Variants in PPP3CC observed in about 807,000 individuals in gnomAD.
The protein encoded by PPP3CC is serine/threonine-protein phosphatase 2B catalytic subunit gamma isoform.
Under a neutral mutation model 60.3 loss-of-function variants are expected in PPP3CC, and 35 were observed. The ratio of observed to expected loss-of-function variants is 0.58; its 90% CI spans 0.44 to 0.77. PPP3CC has a LOEUF of 0.77. Among genes scored for constraint, PPP3CC ranks in the 30% least tolerant of loss-of-function variants. The probability of loss-of-function intolerance (pLI) is 0.00; values close to 1 mark genes in which losing one functional copy is unlikely to be tolerated. For missense variants in PPP3CC, 570 were observed against 628.9 expected, an observed-to-expected ratio of 0.91 and a Z score of 1.00; for synonymous variants, 206 against 224.3, an observed-to-expected ratio of 0.92 and a Z score of 0.73.
At position 22,492,015 on chromosome 8, in the gene PPP3CC, C is replaced by T. The variant is rs140770255; in HGVS notation, c.373-5986C>T. On this transcript the variant is annotated intron_variant, in intron 3 of 13. Transcript: ENST00000240139. ...CATGCATCGTTTAATAAGGAGGGTA[C>T]GTTCTGAGAAATGGGTGCCGATTTT... Among the ~76,000 whole-genome samples, 8 of 152,124 alleles carry T rather than the reference C, an allele frequency of 5.3e-5. No individual in the cohort carries two copies. In the East Asian group the frequency reaches 1.2e-3, roughly 22 times the overall value.
chr8:22,527,580 A>C, intron 9 of PPP3CC, 63 bp downstream of exon 9: 2 of 1,540,138 alleles, frequency 1.3e-6, no homozygotes, highest in Non-Finnish European at 1.8e-6. Context: ...TTATATTTGC[A>C]TGAGCCCCTC....
chr8:22,525,530 CTT>C (rs952996071), intron 8 of PPP3CC, among the ~76,000 whole-genome samples: 2 of 89,392 alleles, frequency 2.2e-5, no homozygotes, highest in African/African-American at 9.3e-5. Flanking sequence ...TTCTTTCTTT[CTT>C]TCTTTCTCTC....
chr8:22,507,173 A>G (rs1391437981), intron 4 of PPP3CC, among the ~76,000 whole-genome samples: 2 of 152,200 alleles, frequency 1.3e-5, no homozygotes, highest in East Asian at 1.9e-4. Flanking sequence ...CAAATATATC[A>G]TCAGTGACTA....
At chr8:22,457,132 C>T (rs1265986170) in intron 1 of PPP3CC, among the ~76,000 whole-genome samples, 2 of 146,802 alleles carry the variant, frequency 1.4e-5, no homozygotes, top group Admixed American at 6.9e-5. Context: ...TCTCAATATT[C>T]TGTAATATTG....
chr8:22,530,035 C>T (rs577000737), intron 10 of PPP3CC, among the ~76,000 whole-genome samples: 31 of 152,226 alleles, frequency 2.0e-4, no homozygotes, highest in African/African-American at 5.8e-4. Context: ...CCATCTCCAT[C>T]GTGGAGAAAA....
intron 3 of PPP3CC, among the ~76,000 whole-genome samples, chr8:22,478,797 C>T (rs73546082): frequency 0.012 from 1,773 of 152,228 alleles, 39 homozygotes; most frequent in African/African-American, 0.04. Flanking sequence ...GAATTAACAG[C>T]GTTTTTCATA....
At position 22,469,466 on chromosome 8, in the gene PPP3CC, G is replaced by T. The variant is rs1837648505; in HGVS notation, c.50-5488G>T. ...TACCTAACAAAAATGTATTGTACCTGGTGATGAACATCCTGAAGACCCTGG... is the reference window on the plus strand; with the variant it reads ...TACCTAACAAAAATGTATTGTACCTTGTGATGAACATCCTGAAGACCCTGG... On this transcript the variant is annotated intron_variant, in intron 1 of 13. Coordinates refer to ENST00000240139, the MANE Select transcript of PPP3CC (RefSeq NM_005605.5). Among the ~76,000 whole-genome samples the T allele has an allele frequency of 2.0e-5, 3 of 152,094 alleles. No individual in the cohort carries two copies. In the South Asian group the frequency reaches 6.2e-4, roughly 32 times the overall value.
intron 5 of PPP3CC, 66 bp from the exon 6 acceptor site, chr8:22,513,227 A>T: frequency 6.6e-7 from 1 of 1,512,238 alleles, no homozygotes; most frequent in Middle Eastern, 1.7e-4. Context: ...TCTTTGACAC[A>T]TACTAGTTTC....
At chr8:22,491,520 A>G (rs1437041583) in intron 3 of PPP3CC, among the ~76,000 whole-genome samples, 1 of 152,238 alleles carries the variant, frequency 6.6e-6, no homozygotes, top group African/African-American at 2.4e-5. Flanking sequence ...TAGGTTAAAC[A>G]TATACAAGCA....
intron 1 of PPP3CC, among the ~76,000 whole-genome samples, chr8:22,446,259 GT>G (rs1257205858): frequency 7.0e-6 from 1 of 141,894 alleles, no homozygotes; most frequent in Non-Finnish European, 1.5e-5. Context: ...ACAAGCATGA[GT>G]TCACGTTCAG....
At chr8:22,482,117 C>T (rs976449797) in intron 3 of PPP3CC, among the ~76,000 whole-genome samples, 1 of 152,160 alleles carries the variant, frequency 6.6e-6, no homozygotes, top group Admixed American at 6.5e-5. Flanking sequence ...CCACTGTCTT[C>T]CACAGTGGTT....
intron 1 of PPP3CC, among the ~76,000 whole-genome samples, chr8:22,459,453 TTA>T (rs1837302907): frequency 9.5e-6 from 1 of 104,908 alleles, no homozygotes. Context: ...TATCACTTTG[TTA>T]TGTGTGTGTG....
At chr8:22,473,869 A>G (rs1275002366) in intron 1 of PPP3CC, among the ~76,000 whole-genome samples, 1 of 152,054 alleles carries the variant, frequency 6.6e-6, no homozygotes, top group Non-Finnish European at 1.5e-5. Flanking sequence ...AAGTACATTA[A>G]GCTACTGCCT....
At chr8:22,509,091 T>A (rs1312500544) in intron 4 of PPP3CC, among the ~76,000 whole-genome samples, 2 of 152,134 alleles carry the variant, frequency 1.3e-5, no homozygotes, top group African/African-American at 4.8e-5. Context: ...TAAAGAGAAA[T>A]CTTCACACTC....
intron 10 of PPP3CC, among the ~76,000 whole-genome samples, chr8:22,530,658 C>A (rs1314775237): frequency 3.3e-5 from 5 of 151,016 alleles, no homozygotes; most frequent in African/African-American, 4.9e-5. Flanking sequence ...TGGTGAAACC[C>A]CATCTCTACT....
intron 6 of PPP3CC, among the ~76,000 whole-genome samples, chr8:22,518,015 G>A (rs1237067366): frequency 2.0e-5 from 3 of 150,016 alleles, no homozygotes; most frequent in Non-Finnish European, 1.5e-5. Flanking sequence ...TACTGCTTTT[G>A]CTGCATCCCA....
chr8:22,450,575 A>T (rs987985868), intron 1 of PPP3CC, among the ~76,000 whole-genome samples: 2 of 152,242 alleles, frequency 1.3e-5, no homozygotes, highest in Middle Eastern at 3.4e-3. Flanking sequence ...TGCTTGTGCC[A>T]TTGCAGGAGC....
At position 22,472,357 on chromosome 8, in the gene PPP3CC, A is replaced by G. The variant is rs573892770; in HGVS notation, c.50-2597A>G. ...TTTTAACTTTTAGAATATTTTGGTAAAAATGAACACACACACACACACACA... is the reference window on the plus strand; with the variant it reads ...TTTTAACTTTTAGAATATTTTGGTAGAAATGAACACACACACACACACACA... On this transcript the variant is annotated intron_variant, in intron 1 of 13. Transcript: ENST00000240139. 2.7e-4 allele frequency among the ~76,000 whole-genome samples: 24 copies of G among 87,972 alleles called. No individual in the cohort carries two copies. In the East Asian group the frequency reaches 0.01, roughly 37 times the overall value. 57.7% of individuals were successfully genotyped at this position (87,972 alleles called of 152,430 possible). A position where few individuals can be genotyped will look rare whatever the true frequency, so the allele number is the denominator to read the frequency against.
At chr8:22,496,759 A>G (rs1032051556) in intron 3 of PPP3CC, among the ~76,000 whole-genome samples, 1 of 151,798 alleles carries the variant, frequency 6.6e-6, no homozygotes, top group Non-Finnish European at 1.5e-5. Flanking sequence ...GGCCTCCCCA[A>G]GTGCTAGTAT....
Sources: allele counts gnomAD v4.1 joint callset (sites outside exome capture counted in the v4.1 genomes callset), GRCh38; gene constraint gnomAD v4.1.1; transcripts MANE v1.5; gene names NCBI Gene and HGNC (gene_info 2026-07-23, HGNC 2026-07-21).